The following EIPR1 variants were observed in gnomAD, a reference collection of about 807,000 sequenced individuals.
EIPR1 encodes the protein EARP and GARP complex-interacting protein 1.
Under a neutral mutation model 48.1 loss-of-function variants are expected in EIPR1, and 25 were observed. The ratio of observed to expected loss-of-function variants is 0.52; its 90% confidence interval spans 0.38 to 0.73. The LOEUF is 0.73. Ranked by LOEUF, EIPR1 falls within the 30% of genes least tolerant of loss-of-function variation. The probability of loss-of-function intolerance (pLI) is 0.00; values close to 1 mark genes in which losing one functional copy is unlikely to be tolerated. For synonymous variants in EIPR1, 204 were observed against 201.9 expected, an observed-to-expected ratio of 1.01 and a Z score of -0.09; for missense variants, 415 against 506.2, an observed-to-expected ratio of 0.82 and a Z score of 1.73.
intron 3 of EIPR1, among the ~76,000 whole-genome samples, chr2:3,307,480 G>A (rs1406050551): frequency 6.6e-6 from 1 of 152,238 alleles, no homozygotes; most frequent in Non-Finnish European, 1.5e-5. Context: ...GGCCTATGGA[G>A]ACTGTCTCTG....
intron 3 of EIPR1, chr2:3,300,876 A>G (rs1170413708): frequency 6.6e-6 from 1 of 152,210 alleles, no homozygotes. Context: ...GACAGTGCCA[A>G]TTCCAACAGC....
chr2:3,253,924 TGCAGGGA>T (rs1484740046), intron 4 of EIPR1, among the ~76,000 whole-genome samples: 2 of 152,144 alleles, frequency 1.3e-5, no homozygotes, highest in African/African-American at 2.4e-5. Context: ...GCCTCTAGTC[TGCAGGGA>T]GCACCCATGG....
chr2:3,311,816 G>A (rs563871221), intron 3 of EIPR1, among the ~76,000 whole-genome samples: 1 of 140,464 alleles, frequency 7.1e-6, no homozygotes, highest in Non-Finnish European at 1.6e-5. Context: ...GGGCGGGGGG[G>A]CTCTACTCTG....
chr2:3,287,364 C>T (rs1668225447), intron 3 of EIPR1, among the ~76,000 whole-genome samples: 1 of 151,962 alleles, frequency 6.6e-6, no homozygotes, highest in African/African-American at 2.4e-5. Flanking sequence ...AAAGCTCGTT[C>T]ACTACGCTCC....
At chr2:3,368,770 T>C (rs893901029) in intron 1 of EIPR1, among the ~76,000 whole-genome samples, 14 of 152,222 alleles carry the variant, frequency 9.2e-5, no homozygotes, top group African/African-American at 3.4e-4. Flanking sequence ...AGCAGTAAAC[T>C]AAAAGTGTGC....
chr2:3,310,460 T>C (rs572475418), intron 3 of EIPR1, among the ~76,000 whole-genome samples: 167 of 142,118 alleles, frequency 1.2e-3, no homozygotes, highest in Admixed American at 3.5e-3. Context: ...GAGACCATCC[T>C]GGCTAAAACG....
At chr2:3,354,405 A>G (rs1378728368) in intron 2 of EIPR1, 145 bp downstream of exon 2, 1 of 689,698 alleles carries the variant, frequency 1.4e-6, no homozygotes, top group Admixed American at 2.8e-5. Context: ...TTTGATTTGA[A>G]GATAGACTTA....
intron 4 of EIPR1, among the ~76,000 whole-genome samples, chr2:3,252,194 A>G (rs1667019692): frequency 6.6e-6 from 1 of 152,226 alleles, no homozygotes; most frequent in African/African-American, 2.4e-5. Flanking sequence ...CGGACCTGAC[A>G]AAGTCAGCAG....
rs544945898 is a variant in EIPR1 at position 3,334,844 on chromosome 2, G to A, written c.259+3173C>T. Among the ~76,000 whole-genome samples, 10 of 152,366 alleles carry A rather than the reference G, an allele frequency of 6.6e-5. No homozygotes were observed. The South Asian group carries it at 2.1e-3, about 32-fold the overall frequency. ...GGGAAATACTTAACAGAAGATCTAT[G>A]CTGCCTTCAAAGTCTGGCAGAAAGA... On this transcript the variant is annotated intron_variant, in intron 3 of 8. Transcript: ENST00000382125.
intron 4 of EIPR1, among the ~76,000 whole-genome samples, chr2:3,217,388 T>C (rs1234662110): frequency 6.6e-6 from 1 of 152,222 alleles, no homozygotes; most frequent in Non-Finnish European, 1.5e-5. Flanking sequence ...TCAAAATATG[T>C]TTTGAAAGGT....
chr2:3,247,411 G>A (rs564778553), intron 4 of EIPR1, among the ~76,000 whole-genome samples: 13 of 152,300 alleles, frequency 8.5e-5, no homozygotes, highest in Admixed American at 2.0e-4. Flanking sequence ...TTACCCTGTT[G>A]TGGCTAATCA....
At chr2:3,235,819 C>A (rs1279302039) in intron 4 of EIPR1, among the ~76,000 whole-genome samples, 2 of 152,178 alleles carry the variant, frequency 1.3e-5, no homozygotes, top group African/African-American at 4.8e-5. Flanking sequence ...TATTTATTGA[C>A]CCATGTCAGC....
At chr2:3,277,208 CCA>C (rs1432095625) in intron 3 of EIPR1, among the ~76,000 whole-genome samples, 1 of 149,864 alleles carries the variant, frequency 6.7e-6, no homozygotes, top group Non-Finnish European at 1.5e-5. Context: ...CTGTCTCCAC[CCA>C]CACGGCCCCG....
rs989672256 is a variant in EIPR1, at chr2:3,274,709, T to A, written c.260-17254A>T. The stretch of plus-strand genomic sequence containing the variant: ...ATCTAAATATGTGTGACACTAATGA[T>A]AATAACAATATTTACTTTTGAGGTT... On this transcript the variant is annotated intron_variant, in intron 3 of 8. Coordinates refer to ENST00000382125, the MANE Select transcript of EIPR1 (RefSeq NM_003310.5). 1.4e-4 allele frequency among the ~76,000 whole-genome samples: 22 copies of A among 152,134 alleles called. No homozygotes were observed. The South Asian group carries it at 4.6e-3, about 32-fold the overall frequency.
At chr2:3,283,876 G>A (rs1668090252) in intron 3 of EIPR1, among the ~76,000 whole-genome samples, 1 of 150,722 alleles carries the variant, frequency 6.6e-6, no homozygotes, top group South Asian at 2.1e-4. Context: ...AATTCCAGAG[G>A]CAGAGGATGC....
chr2:3,350,440 G>A (rs1256393704), intron 2 of EIPR1, among the ~76,000 whole-genome samples: 1 of 152,110 alleles, frequency 6.6e-6, no homozygotes, highest in African/African-American at 2.4e-5. Context: ...CAAAACTGGG[G>A]ATTACAATTT....
intron 3 of EIPR1, among the ~76,000 whole-genome samples, chr2:3,302,226 G>A (rs1309793086): frequency 6.6e-6 from 1 of 152,054 alleles, no homozygotes; most frequent in Non-Finnish European, 1.5e-5. Flanking sequence ...GTTTAACGAG[G>A]GTGCCTCTGG....
At chr2:3,299,616 T>TCACA (rs1490452786) in intron 3 of EIPR1, among the ~76,000 whole-genome samples, 1 of 130,958 alleles carries the variant, frequency 7.6e-6, no homozygotes, top group Admixed American at 7.5e-5. Context: ...TCTCTCTCTC[T>TCACA]CTCTCTCTCA....
At chr2:3,321,536 A>T (rs1019470042) in intron 3 of EIPR1, among the ~76,000 whole-genome samples, 8 of 152,150 alleles carry the variant, frequency 5.3e-5, no homozygotes, top group Non-Finnish European at 8.8e-5. Flanking sequence ...CAAAGAGGAG[A>T]CTAAGAATAC....
Sources: allele counts gnomAD v4.1 joint callset (sites outside exome capture counted in the v4.1 genomes callset), GRCh38; gene constraint gnomAD v4.1.1; transcripts MANE v1.5; gene names NCBI Gene and HGNC (gene_info 2026-07-23, HGNC 2026-07-21).